SHOC1: variants seen among roughly 807,000 people sequenced by gnomAD.
The protein encoded by SHOC1 is shortage in chiasmata 1.
Under a neutral mutation model 179.2 loss-of-function variants are expected in SHOC1, and 136 were observed. The observed-to-expected ratio is 0.76, with a 90% CI of 0.66 to 0.87. SHOC1 has a LOEUF of 0.87. Ranked by LOEUF, SHOC1 falls within the 40% of genes least tolerant of loss-of-function variation. The pLI is 0.00. For missense variants in SHOC1, 1,538 were observed against 1,700.8 expected, an observed-to-expected ratio of 0.90 and a Z score of 1.68; for synonymous variants, 489 against 586.6, an observed-to-expected ratio of 0.83 and a Z score of 2.41.
At chr9:111,761,018 A>G (rs1357340377) in intron 5 of SHOC1, among the ~76,000 whole-genome samples, 1 of 151,978 alleles carries the variant, frequency 6.6e-6, no homozygotes, top group East Asian at 1.9e-4. Context: ...AATAGGCAAA[A>G]TAGATCATAA....
intron 12 of SHOC1, among the ~76,000 whole-genome samples, chr9:111,736,353 G>T (rs1453323229): frequency 6.6e-6 from 1 of 152,100 alleles, no homozygotes; most frequent in African/African-American, 2.4e-5. Flanking sequence ...CAAGGTACTG[G>T]TACAAAAAGA....
rs770251697 is a variant in SHOC1, at chr9:111,694,330, G to C, written c.3216C>G (p.Ala1072=). Residue 1072 remains alanine (A), a synonymous_variant, in exon 25 of 28, where the codon GCC becomes GCG. Transcript: ENST00000682961. ...GGTCAGCAATTTGTCGAATTATCAA[G>C]GCAGTTGCTTCTACTCCTGGGGCAA... is the stretch of plus-strand genomic sequence containing the variant. ...LIIAPGVEAT[A]LIIRQIADHS... is the part of the protein sequence containing the mutation. The C allele has an allele frequency of 1.2e-6, 2 of 1,610,518 alleles. No homozygotes were observed. Among genetic ancestry groups the C allele is most frequent in the Non-Finnish European group, 1.7e-6 (2 of 1,177,604 alleles).
At chr9:111,783,968 G>A (rs894537473) in intron 3 of SHOC1, among the ~76,000 whole-genome samples, 4 of 151,652 alleles carry the variant, frequency 2.6e-5, no homozygotes, top group Admixed American at 6.6e-5. Context: ...ATCAAAGGAC[G>A]TGCTAGGCTA....
At position 111,728,032 on chromosome 9, in the gene SHOC1, T is replaced by G. The variant is rs751184707; in HGVS notation, c.1435A>C (p.Ser479Arg). The change falls in exon 13 of 28, where the codon AGT becomes CGT. Residue 479 changes from serine to arginine, a missense_variant. Transcript: ENST00000682961. Reference sequence around the variant, plus strand: ...ATAAGTGCAATAGGTGAAGAATGACTTTTATGTTCTAGACATGCTGAAAAC... The same window carrying G: ...ATAAGTGCAATAGGTGAAGAATGACGTTTATGTTCTAGACATGCTGAAAAC... ...LQLESCLEHK[S>R]HSSPIALIDE... 8 of 1,590,360 alleles carry G rather than the reference T, an allele frequency of 5.0e-6. No homozygotes were observed. In the Admixed American group the frequency reaches 1.3e-4, roughly 25 times the overall value.
chr9:111,783,429 T>C (rs1256775121), intron 3 of SHOC1: 1 of 152,224 alleles, frequency 6.6e-6, no homozygotes, highest in Non-Finnish European at 1.5e-5. Context: ...CTCACATAAC[T>C]TGAGCTTTTA....
intron 2 of SHOC1, among the ~76,000 whole-genome samples, chr9:111,788,092 G>T (rs1836326296): frequency 7.6e-6 from 1 of 131,660 alleles, no homozygotes; most frequent in Admixed American, 8.7e-5. Context: ...TTGAGACAGA[G>T]TCTCGCTCTT....
At chr9:111,700,283 G>T (rs1831908269) in intron 23 of SHOC1, among the ~76,000 whole-genome samples, 1 of 151,974 alleles carries the variant, frequency 6.6e-6, no homozygotes, top group South Asian at 2.1e-4. Flanking sequence ...TAGGGGAGGT[G>T]TGAGTTGTGG....
chr9:111,716,900 TG>T (rs1167951789), intron 16 of SHOC1, among the ~76,000 whole-genome samples: 2 of 152,202 alleles, frequency 1.3e-5, no homozygotes, highest in African/African-American at 2.4e-5. Flanking sequence ...AAGTAAGGAT[TG>T]GGGGCTAAGA....
intron 7 of SHOC1, 29 bp downstream of exon 7, chr9:111,758,055 A>C (rs780754263): frequency 2.7e-5 from 32 of 1,201,580 alleles, no homozygotes; most frequent in Non-Finnish European, 3.5e-5. Context: ...TACTTTTACT[A>C]AAATATTATT....
chr9:111,758,945 G>T, intron 5 of SHOC1, 97 bp from the exon 6 acceptor site: 1 of 884,808 alleles, frequency 1.1e-6, no homozygotes, highest in Non-Finnish European at 1.7e-6. Flanking sequence ...AGATACAGCT[G>T]GGTTTTTCAA....
In SHOC1 at chr9:111,765,650, G is replaced by A. The variant is rs998375054; in HGVS notation, c.443-6802C>T. 3.3e-5 allele frequency among the ~76,000 whole-genome samples: 5 copies of A among 151,958 alleles called. No homozygotes were observed. In the East Asian group the frequency reaches 7.7e-4, roughly 23 times the overall value. On this transcript the variant is annotated intron_variant, in intron 5 of 27. Coordinates refer to ENST00000682961, the MANE Select transcript of SHOC1 (RefSeq NM_001378211.1). ...CTTGACAATATTTTCAGGGACCCAA[G>A]TTCTTTCCATCTTTCTTTTTGTATT...
intron 20 of SHOC1, among the ~76,000 whole-genome samples, 160 bp from the exon 21 acceptor site, chr9:111,705,524 A>G (rs1343989612): frequency 6.6e-6 from 1 of 152,000 alleles, no homozygotes; most frequent in African/African-American, 2.4e-5. Flanking sequence ...GAAGAAGAAA[A>G]TAAAAACCAT....
intron 4 of SHOC1, among the ~76,000 whole-genome samples, chr9:111,778,760 G>C (rs1262836992): frequency 7.8e-5 from 9 of 115,718 alleles, no homozygotes; most frequent in Non-Finnish European, 1.3e-4. Context: ...GACAGAGAGA[G>C]ACTCTGTCTC....
chr9:111,714,678 C>T, intron 16 of SHOC1, 55 bp from the exon 17 acceptor site: 2 of 1,459,046 alleles, frequency 1.4e-6, no homozygotes, highest in East Asian at 4.8e-5. Context: ...TTAAGAAACT[C>T]CGTGGTAAAA....
intron 27 of SHOC1, among the ~76,000 whole-genome samples, chr9:111,689,136 AG>A (rs1358432347): frequency 6.6e-6 from 1 of 152,054 alleles, no homozygotes; most frequent in Non-Finnish European, 1.5e-5. Context: ...CTGTAATCCC[AG>A]CACTTTGGAA....
intron 5 of SHOC1, among the ~76,000 whole-genome samples, chr9:111,767,122 T>C (rs1835388357): frequency 6.6e-6 from 1 of 152,196 alleles, no homozygotes; most frequent in South Asian, 2.1e-4. Context: ...TTGCAAATAT[T>C]TTCTCCCATT....
In SHOC1 at chr9:111,786,041, GAAGA is replaced by G. The variant is rs1836248343; in HGVS notation, c.46-10_46-7del. On this transcript the variant is annotated splice_polypyrimidine_tract_variant and splice_region_variant and intron_variant, in intron 2 of 27. Coordinates refer to ENST00000682961, the MANE Select transcript of SHOC1 (RefSeq NM_001378211.1). ...AACTTCTTTCTAACCACATTCTGTG[GAAGA>G]AAGAAAGATTAGAAAATCTTTTAAC... 15 of 1,471,586 alleles carry G rather than the reference GAAGA, an allele frequency of 1.0e-5. No individual in the cohort carries two copies. Among genetic ancestry groups the G allele is most frequent in the African/African-American group, 1.5e-5 (1 of 68,634 alleles). 91.2% of individuals were successfully genotyped at this position (1,471,586 alleles called of 1,614,324 possible). A position where few individuals can be genotyped will look rare whatever the true frequency, so the allele number is the denominator to read the frequency against.
chr9:111,693,421 C>CAAAAAAAAA (rs59200447), intron 26 of SHOC1, among the ~76,000 whole-genome samples: 5 of 85,828 alleles, frequency 5.8e-5, no homozygotes, highest in African/African-American at 1.2e-4. Flanking sequence ...CCCGTTTCTA[C>CAAAAAAAAA]AAAAAAAAAA....
intron 5 of SHOC1, among the ~76,000 whole-genome samples, chr9:111,763,151 A>ATATATAAAAAATAAATGT (rs1359319446): frequency 6.6e-6 from 1 of 151,560 alleles, no homozygotes; most frequent in Non-Finnish European, 1.5e-5. Flanking sequence ...AAAATAAATG[A>ATATATAAAAAATAAATGT]TATATAAAAT....
Sources: allele counts gnomAD v4.1 joint callset (sites outside exome capture counted in the v4.1 genomes callset), GRCh38; gene constraint gnomAD v4.1.1; transcripts MANE v1.5; gene names NCBI Gene and HGNC (gene_info 2026-07-23, HGNC 2026-07-21).